Variants in NAXD observed in about 807,000 individuals in gnomAD.
NAXD encodes the protein ATP-dependent (S)-NAD(P)H-hydrate dehydratase.
Under a neutral mutation model 35.8 loss-of-function variants are expected in NAXD, and 22 were observed. The ratio of observed to expected loss-of-function variants is 0.62; its 90% CI spans 0.44 to 0.88. The LOEUF is 0.88. NAXD is among the 40% of genes least tolerant of loss of function. The pLI, the probability that NAXD is intolerant of heterozygous loss-of-function variation, is 0.00. For synonymous variants in NAXD, 189 were observed against 177.6 expected (o/e 1.06, Z -0.51); for missense variants, 428 against 437.7 (o/e 0.98, Z 0.20).
Position 110,627,530 on chromosome 13 carries a change from C to A in NAXD, c.424C>A (p.Leu142Ile). 1 of 1,613,284 alleles carries A rather than the reference C, an allele frequency of 6.2e-7. No individual in the cohort carries two copies. Among genetic ancestry groups the A allele is most frequent in the African/African-American group, 1.3e-5 (1 of 75,022 alleles). ...VGPGLGRDDA[L>I]LRNVQGILEV... ...ACCTGGCTTGGGTAGAGATGATGCG[C>A]TTCTCAGAAATGTCCAGGTAATGTG... Residue 142 changes from leucine to isoleucine, a missense_variant, in exon 5 of 10, where the codon CTT (leucine) becomes ATT (isoleucine). By Grantham distance (5) the Leu-to-Ile change is conservative. Coordinates refer to ENST00000680254, the MANE Select transcript of NAXD (RefSeq NM_001242882.2).
chr13:110,634,779 G>A lies in NAXD; in HGVS notation c.597+3G>A, dbSNP rs989530950. The A allele has an allele frequency of 2.5e-6, 4 of 1,608,408 alleles. No individual in the cohort carries two copies. The highest frequency in any genetic ancestry group is 3.4e-6 in the Non-Finnish European group (4 of 1,175,292). ...TCAGCAGACTGTATGACGCTGTGGT[G>A]AGTCAGTGGACCCCCTGGAGGGTAG... On this transcript the variant is annotated splice_donor_region_variant and intron_variant, in intron 7 of 9. Coordinates refer to ENST00000680254, the MANE Select transcript of NAXD (RefSeq NM_001242882.2).
chr13:110,634,780 A>T lies in NAXD; in HGVS notation c.597+4A>T. The T allele has an allele frequency of 6.2e-7, 1 of 1,608,434 alleles. No homozygotes were observed. Among genetic ancestry groups the T allele is most frequent in the Non-Finnish European group, 8.5e-7 (1 of 1,175,186 alleles). ...CAGCAGACTGTATGACGCTGTGGTG[A>T]GTCAGTGGACCCCCTGGAGGGTAGA... On this transcript the variant is annotated splice_donor_region_variant and intron_variant, in intron 7 of 9. Transcript: ENST00000680254.
In NAXD at chr13:110,638,769, C is replaced by T; in HGVS notation, c.*241C>T. ...CAAAGTATTCCTGAACTTTCCTTAG[C>T]TCCTTGGTAGTAACTGGGAAGACAG... On this transcript the variant is annotated 3_prime_UTR_variant, in exon 10 of 10. Transcript: ENST00000680254. The surrounding 1 kb of genome is among the most constrained non-coding windows in gnomAD (Gnocchi z 5.4). 1.5e-6 allele frequency: 1 copy of T among 676,960 alleles called. No individual in the cohort carries two copies. The highest frequency in any genetic ancestry group is 2.7e-6 in the Non-Finnish European group (1 of 369,114). The allele number at this position is 676,960 out of a possible 1,614,324, so 41.9% of individuals were successfully genotyped here. A position where few individuals can be genotyped will look rare whatever the true frequency, so the allele number is the denominator to read the frequency against.
Position 110,638,507 on chromosome 13 carries a change from C to A in NAXD, c.969C>A (p.Phe323Leu), listed in dbSNP as rs1273541052. Residue 323 changes from phenylalanine (F) to leucine (L), a missense_variant, in exon 10 of 10, where the codon TTC becomes TTA. Phe to Leu is a conservative substitution (Grantham distance 22, BLOSUM62 0). Coordinates refer to ENST00000680254, the MANE Select transcript of NAXD (RefSeq NM_001242882.2). This position sits in a 1 kb window ranked among gnomAD's most constrained non-coding sequence, Gnocchi z 5.4. Reference sequence around the variant, plus strand: ...TGATCGCCGAGGTGGGGGCCGCCTTCAGCAAGCTCTTTGAAACCTGAGCCC... The same window carrying A: ...TGATCGCCGAGGTGGGGGCCGCCTTAAGCAAGCTCTTTGAAACCTGAGCCC... ...SDMIAEVGAA[F>L]SKLFET 1 of 1,612,574 alleles carries A rather than the reference C, an allele frequency of 6.2e-7. No homozygotes were observed. Among genetic ancestry groups the A allele is most frequent in the Non-Finnish European group, 8.5e-7 (1 of 1,179,728 alleles).
In NAXD at chr13:110,638,784, T is replaced by C; in HGVS notation, c.*256T>C. ...CTTTCCTTAGCTCCTTGGTAGTAAC[T>C]GGGAAGACAGAAATGAAGAAAATCA... On this transcript the variant is annotated 3_prime_UTR_variant, in exon 10 of 10. Coordinates refer to ENST00000680254, the MANE Select transcript of NAXD (RefSeq NM_001242882.2). The surrounding 1 kb of genome is among the most constrained non-coding windows in gnomAD (Gnocchi z 5.4). 1.6e-6 allele frequency: 1 copy of C among 644,996 alleles called. No individual in the cohort carries two copies. The highest frequency in any genetic ancestry group is 2.9e-6 in the Non-Finnish European group (1 of 350,668). The allele number at this position is 644,996 out of a possible 1,614,324, so 40.0% of individuals were successfully genotyped here.
chr13:110,615,462 C>A, upstream of NAXD: 1 of 762,270 alleles, frequency 1.3e-6, no homozygotes, highest in Non-Finnish European at 1.9e-6. Flanking sequence ...TGTCAATCAT[C>A]TAGAACCGGG....
chr13:110,638,502 G>A lies in NAXD; in HGVS notation c.964G>A (p.Ala322Thr), dbSNP rs767413501. Reference sequence around the variant, plus strand: ...CGACATGATCGCCGAGGTGGGGGCCGCCTTCAGCAAGCTCTTTGAAACCTG... The same window carrying A: ...CGACATGATCGCCGAGGTGGGGGCCACCTTCAGCAAGCTCTTTGAAACCTG... ...TSDMIAEVGA[A>T]FSKLFET The change falls in exon 10 of 10, where the codon GCC (alanine) becomes ACC (threonine). Residue 322 changes from alanine (A) to threonine (T), a missense_variant. Ala to Thr is a moderately conservative substitution (Grantham distance 58). Coordinates refer to ENST00000680254, the MANE Select transcript of NAXD (RefSeq NM_001242882.2). This position sits in a 1 kb window ranked among gnomAD's most constrained non-coding sequence, Gnocchi z 5.4. 19 of 1,612,428 alleles carry A rather than the reference G, an allele frequency of 1.2e-5. No homozygotes were observed. Among genetic ancestry groups the A allele is most frequent in the Admixed American group, 1.0e-4 (6 of 59,918 alleles).
intron 3 of NAXD, 151 bp downstream of exon 3, chr13:110,624,430 A>G: frequency 1.7e-6 from 1 of 593,768 alleles, no homozygotes; most frequent in Non-Finnish European, 3.0e-6. Context: ...CTATCCTGAC[A>G]TCTGTGCATA....
intron 1 of NAXD, chr13:110,616,432 T>G (rs1426823775): frequency 6.6e-6 from 1 of 152,398 alleles, no homozygotes; most frequent in Non-Finnish European, 1.5e-5. Context: ...TGTGTGTGCG[T>G]GTAGGAGGTC....
chr13:110,632,380 C>A (rs1177405465), intron 5 of NAXD, among the ~76,000 whole-genome samples: 2 of 152,150 alleles, frequency 1.3e-5, no homozygotes, highest in Non-Finnish European at 1.5e-5. Flanking sequence ...AGCGAAAGAA[C>A]AAAGTTTCCA....
chr13:110,615,495 C>T, upstream of NAXD: 1 of 1,079,794 alleles, frequency 9.3e-7, no homozygotes, highest in Non-Finnish European at 1.2e-6. Context: ...AGTTGGGATC[C>T]CACTGCCGAC....
At position 110,634,739 on chromosome 13, in the gene NAXD, C is replaced by G. The variant is rs1171980608; in HGVS notation, c.560C>G (p.Pro187Arg). The G allele has an allele frequency of 6.2e-7, 1 of 1,613,964 alleles. No individual in the cohort carries two copies. Among genetic ancestry groups the G allele is most frequent in the East Asian group, 2.2e-5 (1 of 44,898 alleles). ...IHGYRKAVLT[P>R]NHVEFSRLYD... ...GGCTACCGGAAGGCTGTGCTCACTCCCAACCACGTGGAGTTCAGCAGACTG... is the reference window on the plus strand; with the variant it reads ...GGCTACCGGAAGGCTGTGCTCACTCGCAACCACGTGGAGTTCAGCAGACTG... The change falls in exon 7 of 10, where the codon CCC (proline) becomes CGC (arginine). Residue 187 changes from proline (P) to arginine (R), a missense_variant. Coordinates refer to ENST00000680254, the MANE Select transcript of NAXD (RefSeq NM_001242882.2).
At position 110,638,236 on chromosome 13, in the gene NAXD, C is replaced by T. The variant is rs1447408366; in HGVS notation, c.840-142C>T. 1.3e-6 allele frequency: 2 copies of T among 1,552,958 alleles called. No individual in the cohort carries two copies. The highest frequency in any genetic ancestry group is 1.2e-5 in the South Asian group (1 of 80,678). ...TTTCGCTGTGATAAACCTGCTTTCT[C>T]CTCAGGGGCATATCAGACTTGAAAT... On this transcript the variant is annotated intron_variant, in intron 9 of 9. Coordinates refer to ENST00000680254, the MANE Select transcript of NAXD (RefSeq NM_001242882.2). This position sits in a 1 kb window ranked among gnomAD's most constrained non-coding sequence, Gnocchi z 5.4.
chr13:110,624,380 T>C (rs201002300), intron 3 of NAXD, 101 bp downstream of exon 3: 17,872 of 580,146 alleles, frequency 0.031, 267 homozygotes, highest in Non-Finnish European at 0.04. Flanking sequence ...ATCTAAATAA[T>C]ATCTTAGGGT....
chr13:110,624,002 CAAAA>C (rs58510281), intron 2 of NAXD, among the ~76,000 whole-genome samples: 3 of 103,198 alleles, frequency 2.9e-5, no homozygotes, highest in Admixed American at 9.2e-5. Flanking sequence ...AACTCTGTCT[CAAAA>C]AAAAAAAAAA....
intron 2 of NAXD, among the ~76,000 whole-genome samples, chr13:110,623,768 C>T (rs1293334809): frequency 6.6e-6 from 1 of 152,142 alleles, no homozygotes; most frequent in Admixed American, 6.5e-5. Context: ...TTTGAGAGGC[C>T]GAGGCGGGCG....
intron 5 of NAXD, among the ~76,000 whole-genome samples, chr13:110,630,228 C>A (rs1009128256): frequency 2.4e-4 from 36 of 152,038 alleles, no homozygotes; most frequent in Non-Finnish European, 4.4e-4. Flanking sequence ...GGGGTTTCAC[C>A]ATGTTGGCCA....
Position 110,622,316 on chromosome 13 carries a change from A to G in NAXD, c.147A>G (p.Thr49=), listed in dbSNP as rs761070217. ...ATATCATACCTCCTCTGTCTTCCAC[A>G]AAGCACAAAGGGCAAGATGGAAGAA... ...VRNIIPPLSS[T]KHKGQDGRIG... Residue 49 remains threonine (T), a synonymous_variant, in exon 2 of 10, where the codon ACA becomes ACG. Transcript: ENST00000680254. 2 of 1,614,118 alleles carry G rather than the reference A, an allele frequency of 1.2e-6. No homozygotes were observed. The highest frequency in any genetic ancestry group is 1.7e-5 in the Admixed American group (1 of 60,016).
intron 1 of NAXD, among the ~76,000 whole-genome samples, chr13:110,619,694 G>A (rs573572176): frequency 1.3e-5 from 2 of 152,258 alleles, no homozygotes; most frequent in Middle Eastern, 3.4e-3. Context: ...CACTGGGTGC[G>A]TGTACATGCA....
Sources: gnomAD v4.1 joint callset for allele counts (sites outside exome capture counted in the v4.1 genomes callset) on GRCh38, gnomAD v4.1.1 for gene constraint, Gnocchi (gnomAD v3.1) non-coding constraint, MANE v1.5 for transcripts, NCBI Gene and HGNC (gene_info 2026-07-23, HGNC 2026-07-21) for gene names.